The following NCOA1 variants were observed in gnomAD, a reference collection of about 807,000 sequenced individuals.
NCOA1 encodes the protein nuclear receptor coactivator 1.
Under a neutral mutation model 150.9 loss-of-function variants are expected in NCOA1, and 35 were observed. The ratio of observed to expected loss-of-function variants is 0.23; its 90% CI spans 0.18 to 0.31. NCOA1 has a LOEUF of 0.31. NCOA1 is among the 10% of genes least tolerant of loss of function. The pLI is 1.00. For synonymous variants in NCOA1, 590 were observed against 630.0 expected, an observed-to-expected ratio of 0.94 and a Z score of 0.95; for missense variants, 1,491 against 1,749.3, an observed-to-expected ratio of 0.85 and a Z score of 2.63.
At chr2:24,598,110 A>ATC (rs1667956824) in intron 3 of NCOA1, among the ~76,000 whole-genome samples, 2 of 152,314 alleles carry the variant, frequency 1.3e-5, no homozygotes, top group South Asian at 4.1e-4. Flanking sequence ...ACATGAACTC[A>ATC]TCCGTTTTTA....
At chr2:24,645,536 A>G (rs949690338) in intron 4 of NCOA1, among the ~76,000 whole-genome samples, 1 of 150,678 alleles carries the variant, frequency 6.6e-6, no homozygotes, top group Non-Finnish European at 1.5e-5. Context: ...AAAAAATTTC[A>G]TCAGTTGCTA....
At chr2:24,590,020 G>A (rs1414986840) in intron 3 of NCOA1, among the ~76,000 whole-genome samples, 1 of 152,152 alleles carries the variant, frequency 6.6e-6, no homozygotes, top group Non-Finnish European at 1.5e-5. Context: ...GCTCTGTACT[G>A]TGGAAGAAAC....
At chr2:24,535,166 G>A (rs992983272) in intron 1 of NCOA1, among the ~76,000 whole-genome samples, 2 of 152,108 alleles carry the variant, frequency 1.3e-5, no homozygotes, top group African/African-American at 4.8e-5. Flanking sequence ...AGGATAGTTA[G>A]CTTTTCTTGT....
intron 22 of NCOA1, among the ~76,000 whole-genome samples, chr2:24,763,874 G>A (rs963332200): frequency 6.6e-6 from 1 of 151,794 alleles, no homozygotes; most frequent in Non-Finnish European, 1.5e-5. Flanking sequence ...CACCCGCCTC[G>A]GCCTCCCAAA....
At chr2:24,580,178 T>C (rs1301618926) in intron 2 of NCOA1, among the ~76,000 whole-genome samples, 1 of 152,248 alleles carries the variant, frequency 6.6e-6, no homozygotes, top group Non-Finnish European at 1.5e-5. Context: ...TCTGTGTCTT[T>C]AGCTTTCAGA....
chr2:24,731,548 G>A (rs1237751497), intron 17 of NCOA1, among the ~76,000 whole-genome samples: 6 of 151,924 alleles, frequency 3.9e-5, no homozygotes, highest in South Asian at 2.1e-4. Context: ...GGAAGATGAC[G>A]AAAGAGAAGA....
intron 13 of NCOA1, among the ~76,000 whole-genome samples, chr2:24,708,759 T>A (rs1383293007): frequency 6.6e-6 from 1 of 152,218 alleles, no homozygotes; most frequent in Non-Finnish European, 1.5e-5. Flanking sequence ...GTTTCTTGAA[T>A]CAGCTTAGTT....
intron 1 of NCOA1, among the ~76,000 whole-genome samples, chr2:24,527,344 A>T (rs552904723): frequency 3.3e-5 from 5 of 152,208 alleles, no homozygotes; most frequent in Non-Finnish European, 4.4e-5. Flanking sequence ...GCCTCTGATG[A>T]CTGTTTTATT....
At chr2:24,619,410 G>A (rs1179462145) in intron 3 of NCOA1, among the ~76,000 whole-genome samples, 1 of 152,144 alleles carries the variant, frequency 6.6e-6, no homozygotes, top group Non-Finnish European at 1.5e-5. Flanking sequence ...CCAATAGTAG[G>A]AGTGATCATT....
At chr2:24,765,120 C>T (rs552810998) in intron 22 of NCOA1, among the ~76,000 whole-genome samples, 71 of 149,294 alleles carry the variant, frequency 4.8e-4, no homozygotes, top group African/African-American at 1.7e-3. Context: ...GAGGTTGCAG[C>T]GAGCCGAGAT....
chr2:24,574,695 A>C (rs1666881050), intron 2 of NCOA1, among the ~76,000 whole-genome samples: 1 of 152,040 alleles, frequency 6.6e-6, no homozygotes, highest in African/African-American at 2.4e-5. Flanking sequence ...ATCTGCTGCT[A>C]ATGGATTTTT....
intron 3 of NCOA1, among the ~76,000 whole-genome samples, chr2:24,597,875 C>T (rs1020638476): frequency 2.0e-5 from 3 of 152,016 alleles, no homozygotes; most frequent in Non-Finnish European, 4.4e-5. Flanking sequence ...GTGTGCTGCA[C>T]CCATTAACTC....
intron 1 of NCOA1, among the ~76,000 whole-genome samples, chr2:24,494,716 G>A (rs2148058765): frequency 6.6e-6 from 1 of 152,310 alleles, no homozygotes; most frequent in South Asian, 2.1e-4. Context: ...GGGCTCGGGT[G>A]AAATCCATGT....
At chr2:24,526,872 C>T (rs1355131403) in intron 1 of NCOA1, among the ~76,000 whole-genome samples, 1 of 151,840 alleles carries the variant, frequency 6.6e-6, no homozygotes, top group Non-Finnish European at 1.5e-5. Flanking sequence ...TTTAGTAATA[C>T]AACAAGATAT....
intron 1 of NCOA1, among the ~76,000 whole-genome samples, chr2:24,500,142 CTT>C (rs959800221): frequency 6.6e-6 from 1 of 151,886 alleles, no homozygotes; most frequent in African/African-American, 2.4e-5. Context: ...GAGTTTCGCT[CTT>C]GTCGCCCAGG....
At chr2:24,613,074 C>T (rs946857702) in intron 3 of NCOA1, among the ~76,000 whole-genome samples, 3 of 151,868 alleles carry the variant, frequency 2.0e-5, no homozygotes, top group Non-Finnish European at 2.9e-5. Flanking sequence ...TGTTCCTGTC[C>T]CTGTAATATT....
chr2:24,508,940 T>C (rs1663817910), intron 1 of NCOA1, among the ~76,000 whole-genome samples: 4 of 152,278 alleles, frequency 2.6e-5, no homozygotes, highest in Admixed American at 1.3e-4. Flanking sequence ...TAGAAGAAAA[T>C]GGGGAGGCAT....
chr2:24,618,892 T>C (rs1668994633), intron 3 of NCOA1, among the ~76,000 whole-genome samples: 1 of 152,212 alleles, frequency 6.6e-6, no homozygotes, highest in East Asian at 1.9e-4. Context: ...GTAATTATAC[T>C]TGCAGATTTT....
At chr2:24,767,475 C>T (rs1665126409) in intron 22 of NCOA1, among the ~76,000 whole-genome samples, 1 of 152,196 alleles carries the variant, frequency 6.6e-6, no homozygotes, top group Admixed American at 6.5e-5. Context: ...TATGCTAGAA[C>T]TGTGCAACTT....
Sources: gnomAD v4.1 joint callset for allele counts (sites outside exome capture counted in the v4.1 genomes callset) on GRCh38, gnomAD v4.1.1 for gene constraint, MANE v1.5 for transcripts, NCBI Gene and HGNC (gene_info 2026-07-23, HGNC 2026-07-21) for gene names.